MGAT5: variants seen among roughly 807,000 people sequenced by gnomAD.
MGAT5 encodes alpha-1,6-mannosylglycoprotein 6-beta-N-acetylglucosaminyltransferase, also known as alpha-1,6-mannosylglycoprotein 6-beta-N-acetylglucosaminyltransferase A.
MGAT5 carries 30 observed loss-of-function variants against 94.3 expected under a neutral mutation model. That is an observed-to-expected ratio of 0.32 (90% CI 0.24 to 0.43). The LOEUF (loss-of-function observed/expected upper bound fraction) is 0.43. Ranked by LOEUF, MGAT5 falls within the 20% of genes least tolerant of loss-of-function variation. The pLI is 1.00. For missense variants in MGAT5, 691 were observed against 905.5 expected, an observed-to-expected ratio of 0.76 and a Z score of 3.04; for synonymous variants, 310 against 322.9, an observed-to-expected ratio of 0.96 and a Z score of 0.43.
intron 10 of MGAT5, among the ~76,000 whole-genome samples, chr2:134,391,092 G>A (rs534861469): frequency 2.0e-4 from 30 of 152,290 alleles, no homozygotes; most frequent in African/African-American, 7.2e-4. Flanking sequence ...AGTAAGAGGA[G>A]GGGACATATT....
intron 9 of MGAT5, among the ~76,000 whole-genome samples, chr2:134,358,248 C>T (rs1031443109): frequency 1.1e-4 from 16 of 149,404 alleles, no homozygotes; most frequent in Non-Finnish European, 1.8e-4. Context: ...ACATCATTAA[C>T]TATAATTCAA....
intron 1 of MGAT5, among the ~76,000 whole-genome samples, chr2:134,160,085 C>T (rs574310075): frequency 3.9e-5 from 6 of 152,302 alleles, no homozygotes; most frequent in Middle Eastern, 3.4e-3. Flanking sequence ...GATGGGTTTA[C>T]ACCAGACAAG....
At chr2:134,435,279 C>T (rs1685109462) in intron 14 of MGAT5, among the ~76,000 whole-genome samples, 1 of 152,194 alleles carries the variant, frequency 6.6e-6, no homozygotes, top group African/African-American at 2.4e-5. Flanking sequence ...CCAAGCTACC[C>T]AGAAGCGCCT....
chr2:134,321,192 A>C (rs2105912820), intron 4 of MGAT5, among the ~76,000 whole-genome samples: 1 of 152,312 alleles, frequency 6.6e-6, no homozygotes, highest in Non-Finnish European at 1.5e-5. Flanking sequence ...AAAGTCAATT[A>C]GAAGTACCTC....
chr2:134,153,139 C>G (rs1038018321), intron 1 of MGAT5, among the ~76,000 whole-genome samples: 2 of 152,080 alleles, frequency 1.3e-5, no homozygotes, highest in Admixed American at 6.5e-5. Context: ...AGGCTGGTCT[C>G]GAACTCCTGA....
chr2:134,319,808 C>A, intron 4 of MGAT5: 1 of 383,070 alleles, frequency 2.6e-6, no homozygotes, highest in Non-Finnish European at 5.2e-6. Flanking sequence ...ATTCTGGGTC[C>A]GTACATATGC....
At chr2:134,355,232 G>A (rs570615048) in intron 9 of MGAT5, among the ~76,000 whole-genome samples, 2 of 152,234 alleles carry the variant, frequency 1.3e-5, no homozygotes, top group African/African-American at 4.8e-5. Context: ...ACTGAAAAAG[G>A]CTCCCCTAAC....
intron 15 of MGAT5, among the ~76,000 whole-genome samples, chr2:134,443,679 G>A (rs1685612816): frequency 6.6e-6 from 1 of 152,194 alleles, no homozygotes; most frequent in Admixed American, 6.5e-5. Flanking sequence ...TGATGGTACT[G>A]GAAGTTTCCA....
chr2:134,366,694 C>T (rs1002499030), intron 10 of MGAT5, among the ~76,000 whole-genome samples: 16 of 152,198 alleles, frequency 1.1e-4, no homozygotes, highest in Non-Finnish European at 1.6e-4. Flanking sequence ...TGGTTCATAC[C>T]TGGGATGAGA....
At chr2:134,339,764 A>T (rs562107076) in intron 6 of MGAT5, among the ~76,000 whole-genome samples, 1 of 152,324 alleles carries the variant, frequency 6.6e-6, no homozygotes, top group Admixed American at 6.5e-5. Context: ...ATTAAAAGGA[A>T]TATAAAACAA....
intron 4 of MGAT5, among the ~76,000 whole-genome samples, chr2:134,323,247 A>G (rs1193616265): frequency 6.6e-6 from 1 of 152,182 alleles, no homozygotes; most frequent in African/African-American, 2.4e-5. Flanking sequence ...CTGACGCTGT[A>G]CTAGAGATGG....
chr2:134,171,622 G>A (rs1688213458), intron 1 of MGAT5, among the ~76,000 whole-genome samples: 2 of 152,178 alleles, frequency 1.3e-5, no homozygotes, highest in Admixed American at 1.3e-4. Flanking sequence ...CTTAAAGGCA[G>A]TTGGGCTCCA....
At chr2:134,417,016 T>C (rs1368782935) in intron 12 of MGAT5, among the ~76,000 whole-genome samples, 1 of 152,078 alleles carries the variant, frequency 6.6e-6, no homozygotes, top group African/African-American at 2.4e-5. Flanking sequence ...ATAAATCATT[T>C]TGTTTATTCA....
At chr2:134,157,315 A>G (rs1169123824) in intron 1 of MGAT5, among the ~76,000 whole-genome samples, 3 of 152,204 alleles carry the variant, frequency 2.0e-5, no homozygotes, top group Non-Finnish European at 4.4e-5. Flanking sequence ...ACTCTGTACT[A>G]TCTTTGCAAC....
intron 1 of MGAT5, among the ~76,000 whole-genome samples, chr2:134,154,264 A>G (rs1401005671): frequency 1.3e-5 from 2 of 152,184 alleles, no homozygotes; most frequent in Non-Finnish European, 2.9e-5. Flanking sequence ...CCTATCTCAG[A>G]TGAAGTCTTT....
chr2:134,135,690 C>CAAAAAAAAA (rs59026836), intron 1 of MGAT5, among the ~76,000 whole-genome samples: 6 of 41,702 alleles, frequency 1.4e-4, no homozygotes, highest in Non-Finnish European at 2.1e-4. Flanking sequence ...GACTCCATCT[C>CAAAAAAAAA]AAAAAAAAAA....
intron 1 of MGAT5, among the ~76,000 whole-genome samples, chr2:134,145,741 T>C (rs1481027154): frequency 3.3e-5 from 5 of 151,736 alleles, no homozygotes; most frequent in Non-Finnish European, 5.9e-5. Context: ...TTTCCAGTTT[T>C]ATTTTAAAGT....
intron 10 of MGAT5, among the ~76,000 whole-genome samples, chr2:134,381,407 TA>T (rs1681592421): frequency 2.8e-5 from 2 of 71,908 alleles, no homozygotes; most frequent in African/African-American, 1.2e-4. Context: ...GATAGATAGA[TA>T]GATAGATAGA....
chr2:134,213,321 G>T (rs904351680), intron 1 of MGAT5, among the ~76,000 whole-genome samples: 1 of 149,046 alleles, frequency 6.7e-6, no homozygotes, highest in South Asian at 2.2e-4. Context: ...AGACTTGGGA[G>T]CCCCCCCGCC....
Sources: allele counts gnomAD v4.1 joint callset (sites outside exome capture counted in the v4.1 genomes callset), GRCh38; gene constraint gnomAD v4.1.1; transcripts MANE v1.5; gene names NCBI Gene and HGNC (gene_info 2026-07-23, HGNC 2026-07-21).